ASPRV1: variants seen among roughly 807,000 people sequenced by gnomAD.
ASPRV1 encodes retroviral-like aspartic protease 1.
A neutral mutation model predicts 11.0 loss-of-function variants in ASPRV1; 7 were observed. That is an observed-to-expected ratio of 0.64 (90% CI 0.36 to 1.20). The LOEUF (loss-of-function observed/expected upper bound fraction) is 1.20. ASPRV1 is among the 50% of genes most tolerant of loss of function. The pLI is 0.02. For missense variants in ASPRV1, 299 were observed against 320.0 expected (o/e 0.93, Z 0.50); for synonymous variants, 136 against 138.4 (o/e 0.98, Z 0.12).
the ASPRV1 span, among the ~76,000 whole-genome samples, chr2:70,037,634 AT>A: frequency 2.6e-5 from 4 of 151,798 alleles, no homozygotes; most frequent in African/African-American, 2.4e-5. Flanking sequence ...TTTTTGTGGT[AT>A]TTTTTTTCCT....
chr2:70,052,987 G>T, the ASPRV1 span, among the ~76,000 whole-genome samples: 2 of 152,280 alleles, frequency 1.3e-5, no homozygotes, highest in East Asian at 3.9e-4. Flanking sequence ...AGAAATGACA[G>T]AGTCAAGCCC....
chr2:70,064,802 A>T, the ASPRV1 span, among the ~76,000 whole-genome samples: 1 of 152,202 alleles, frequency 6.6e-6, no homozygotes, highest in African/African-American at 2.4e-5. Context: ...TGAATAAAAC[A>T]AACAATATCA....
At chr2:70,082,851 G>A in the ASPRV1 span, among the ~76,000 whole-genome samples, 2 of 152,118 alleles carry the variant, frequency 1.3e-5, no homozygotes. Context: ...CTACGATGGA[G>A]CCACTACACT....
At chr2:69,983,377 T>TG in the ASPRV1 span, among the ~76,000 whole-genome samples, 3 of 152,000 alleles carry the variant, frequency 2.0e-5, no homozygotes, top group Non-Finnish European at 2.9e-5. Context: ...AAGAAGCAAA[T>TG]GGGGATTTCA....
the ASPRV1 span, among the ~76,000 whole-genome samples, chr2:69,974,650 A>G: frequency 2.0e-5 from 3 of 152,018 alleles, no homozygotes; most frequent in African/African-American, 2.4e-5. Context: ...AACTGAACTC[A>G]TTTTCTTTCT....
chr2:69,945,370 C>G, the ASPRV1 span, among the ~76,000 whole-genome samples: 5 of 152,210 alleles, frequency 3.3e-5, no homozygotes, highest in Non-Finnish European at 7.3e-5. Flanking sequence ...CCAAGGGTCC[C>G]ACAGGCAGGG....
the ASPRV1 span, chr2:70,086,371 C>A: frequency 3.3e-5 from 5 of 152,160 alleles, no homozygotes; most frequent in African/African-American, 7.2e-5. Flanking sequence ...ACGTTGCGCA[C>A]GGGGCCCTTT....
chr2:70,077,728 G>A, the ASPRV1 span, among the ~76,000 whole-genome samples: 2 of 151,948 alleles, frequency 1.3e-5, no homozygotes, highest in Admixed American at 6.6e-5. Context: ...GGTGGCGTCC[G>A]CCTGCTGTCC....
chr2:69,985,906 C>T, the ASPRV1 span, among the ~76,000 whole-genome samples: 1 of 152,240 alleles, frequency 6.6e-6, no homozygotes, highest in East Asian at 1.9e-4. Flanking sequence ...ACAACCGTTT[C>T]TGCTCACCCG....
At chr2:70,022,549 G>A in the ASPRV1 span, among the ~76,000 whole-genome samples, 1 of 151,972 alleles carries the variant, frequency 6.6e-6, no homozygotes. Flanking sequence ...GTTAGTGGGG[G>A]CATGGTGGCA....
the ASPRV1 span, among the ~76,000 whole-genome samples, chr2:70,016,862 G>GAA: frequency 1.1e-4 from 15 of 141,832 alleles, no homozygotes; most frequent in African/African-American, 3.3e-4. Flanking sequence ...CACCAAGGGA[G>GAA]AAAAAAAAAA....
At chr2:69,988,509 C>T in the ASPRV1 span, 5 of 311,060 alleles carry the variant, frequency 1.6e-5, 1 homozygote, top group South Asian at 1.4e-4. Flanking sequence ...GCAGGAGCTG[C>T]AGGGAGGGAA....
At chr2:69,949,901 C>T in the ASPRV1 span, among the ~76,000 whole-genome samples, 3 of 152,294 alleles carry the variant, frequency 2.0e-5, no homozygotes, top group South Asian at 2.1e-4. Flanking sequence ...CTGCAACCTC[C>T]GCCTCCCGGG....
chr2:69,953,366 C>T, the ASPRV1 span, among the ~76,000 whole-genome samples: 4 of 152,184 alleles, frequency 2.6e-5, no homozygotes, highest in Non-Finnish European at 5.9e-5. Flanking sequence ...AAGCAAGTGG[C>T]GGGACAGCAC....
the ASPRV1 span, among the ~76,000 whole-genome samples, chr2:69,969,200 G>A: frequency 1.3e-5 from 2 of 152,162 alleles, no homozygotes; most frequent in South Asian, 2.1e-4. Flanking sequence ...GTGCCAGAAC[G>A]AGGGGTTGAA....
At chr2:69,986,077 C>T in the ASPRV1 span, among the ~76,000 whole-genome samples, 1 of 152,208 alleles carries the variant, frequency 6.6e-6, no homozygotes, top group East Asian at 1.9e-4. Flanking sequence ...TCATCCTTGA[C>T]TTATGGAGAC....
At chr2:69,994,241 A>T in the ASPRV1 span, 1 of 152,156 alleles carries the variant, frequency 6.6e-6, no homozygotes, top group African/African-American at 2.4e-5. Flanking sequence ...CGTTGGTGAG[A>T]CCCCTAGACC....
chr2:69,998,466 G>A, the ASPRV1 span, among the ~76,000 whole-genome samples: 2 of 152,244 alleles, frequency 1.3e-5, no homozygotes, highest in Non-Finnish European at 2.9e-5. Flanking sequence ...CTGGTGCCGG[G>A]CGCAGTGGCT....
chr2:69,938,281 C>T, the ASPRV1 span: 19 of 1,613,848 alleles, frequency 1.2e-5, no homozygotes, highest in African/African-American at 2.4e-4. Context: ...GTCTTGGTCT[C>T]TAAGAGAGTG....
Sources: gnomAD v4.1 joint callset for allele counts (sites outside exome capture counted in the v4.1 genomes callset) on GRCh38, gnomAD v4.1.1 for gene constraint, MANE v1.5 for transcripts, NCBI Gene and HGNC (gene_info 2026-07-23, HGNC 2026-07-21) for gene names.